FNBP1: variants seen among roughly 807,000 people sequenced by gnomAD.
FNBP1 encodes the protein formin-binding protein 1.
A neutral mutation model predicts 90.6 loss-of-function variants in FNBP1; 26 were observed. That is an observed-to-expected ratio of 0.29 (90% CI 0.21 to 0.40). The LOEUF (loss-of-function observed/expected upper bound fraction) is 0.40, where lower values mean the gene tolerates loss of function less well. FNBP1 is among the 10% of genes least tolerant of loss of function. FNBP1 has a pLI of 1.00. For synonymous variants in FNBP1, 260 were observed against 265.2 expected (o/e 0.98, Z 0.19); for missense variants, 635 against 768.0 (o/e 0.83, Z 2.05).
At chr9:129,914,430 A>G (rs1051621986) in intron 11 of FNBP1, among the ~76,000 whole-genome samples, 1 of 152,016 alleles carries the variant, frequency 6.6e-6, no homozygotes, top group Non-Finnish European at 1.5e-5. Context: ...AAACAGAAAG[A>G]CTGCCTAAAA....
intron 6 of FNBP1, among the ~76,000 whole-genome samples, chr9:129,938,462 T>C (rs1222335242): frequency 7.9e-5 from 12 of 151,736 alleles, no homozygotes; most frequent in Admixed American, 7.9e-4. Flanking sequence ...TAAGGGCAGC[T>C]AGAATACAAA....
rs936793492 is a variant in FNBP1, at chr9:130,034,330, C to A, written c.24+8622G>T. On this transcript the variant is annotated intron_variant, in intron 1 of 16. Transcript: ENST00000446176. Reference sequence around the variant, plus strand: ...TCCATCTCAAAAAAAAAAAAAAAAACAAGTTGGTCAGGCGTGGTAGTGTAC... The same window carrying A: ...TCCATCTCAAAAAAAAAAAAAAAAAAAAGTTGGTCAGGCGTGGTAGTGTAC... 9.3e-5 allele frequency among the ~76,000 whole-genome samples: 11 copies of A among 117,856 alleles called. No individual in the cohort carries two copies. In the East Asian group the frequency reaches 1.2e-3, roughly 12 times the overall value. The allele number at this position is 117,856 out of a possible 152,430, so 77.3% of individuals were successfully genotyped here.
chr9:129,893,293 T>C (rs537287077), intron 16 of FNBP1, among the ~76,000 whole-genome samples: 2 of 152,040 alleles, frequency 1.3e-5, no homozygotes, highest in South Asian at 4.2e-4. Context: ...ATTGATACTA[T>C]GCCAGCAAAA....
intron 2 of FNBP1, among the ~76,000 whole-genome samples, chr9:129,985,347 C>T (rs2051992239): frequency 6.6e-6 from 1 of 152,000 alleles, no homozygotes; most frequent in African/African-American, 2.4e-5. Context: ...ACTCAGCAAC[C>T]TTATAAGGTG....
chr9:130,035,406 T>C (rs748545846), intron 1 of FNBP1, among the ~76,000 whole-genome samples: 2 of 151,884 alleles, frequency 1.3e-5, no homozygotes, highest in Non-Finnish European at 2.9e-5. Flanking sequence ...GTGGGGACTC[T>C]GTCAGGTCTG....
intron 2 of FNBP1, among the ~76,000 whole-genome samples, chr9:129,993,655 T>C (rs4837444): frequency 1 from 144,875 of 145,184 alleles, 72,285 homozygotes; most frequent in Middle Eastern, 1. Flanking sequence ...GAAGGAGTCT[T>C]ACTCTGTCAC....
Position 129,979,454 on chromosome 9 carries a change from T to G in FNBP1, c.141-80A>C, listed in dbSNP as rs1469293349. 3.9e-6 allele frequency: 4 copies of G among 1,023,778 alleles called. No individual in the cohort carries two copies. The East Asian group carries it at 9.6e-5, about 25-fold the overall frequency. 63.4% of individuals were successfully genotyped at this position (1,023,778 alleles called of 1,614,324 possible). On this transcript the variant is annotated intron_variant, in intron 2 of 16. Transcript: ENST00000446176. ...AGGAATGAAAGATAACATTAGTGCT[T>G]TTGTTACAAGTTTAAAACAAACAAA...
At chr9:129,970,961 A>G (rs1307149041) in intron 4 of FNBP1, among the ~76,000 whole-genome samples, 1 of 152,080 alleles carries the variant, frequency 6.6e-6, no homozygotes, top group African/African-American at 2.4e-5. Context: ...ATCTTGGCTC[A>G]CTGCAACCTC....
chr9:130,024,130 G>T (rs528080181), intron 1 of FNBP1, among the ~76,000 whole-genome samples: 81 of 152,178 alleles, frequency 5.3e-4, no homozygotes, highest in Non-Finnish European at 9.6e-4. Flanking sequence ...ACTTGGCCAG[G>T]CTCAGTGGCT....
intron 7 of FNBP1, among the ~76,000 whole-genome samples, chr9:129,929,359 G>A (rs1169657683): frequency 2.9e-5 from 4 of 139,868 alleles, no homozygotes; most frequent in African/African-American, 8.1e-5. Flanking sequence ...GCAATGAGCC[G>A]AGACTGTGCC....
chr9:129,916,256 A>AC, intron 10 of FNBP1: 1 of 457,114 alleles, frequency 2.2e-6, no homozygotes, highest in South Asian at 2.7e-5. Context: ...ACAGGCCTGT[A>AC]CTGGCCACCT....
intron 11 of FNBP1, chr9:129,910,186 G>C (rs932134336): frequency 6.6e-6 from 3 of 456,160 alleles, no homozygotes; most frequent in Non-Finnish European, 1.3e-5. Flanking sequence ...TGTTCATAAA[G>C]AGAGAGAAAT....
At chr9:129,960,104 C>T (rs1202747532) in intron 4 of FNBP1, among the ~76,000 whole-genome samples, 1 of 151,878 alleles carries the variant, frequency 6.6e-6, no homozygotes, top group African/African-American at 2.4e-5. Context: ...TAGGTTTGGG[C>T]TATTATGAAA....
rs534056881 is a variant in FNBP1, at chr9:130,042,966, C to T, written c.10G>A (p.Gly4Ser). Residue 4 changes from glycine to serine, a missense_variant, in exon 1 of 17, where the codon GGC becomes AGC. Physicochemically the swap from Gly to Ser is moderately conservative, Grantham distance 56 (BLOSUM62 0). Transcript: ENST00000446176. This position sits in a 1 kb window ranked among gnomAD's most constrained non-coding sequence, Gnocchi z 5.5. MSW[G>S]TELWDQFDNL... ...CCCTCACTCACCCAGAGCTCGGTGC[C>T]CCAGCTCATGGTGCAGGGGACGCGA... 9.0e-6 allele frequency: 11 copies of T among 1,227,190 alleles called. No individual in the cohort carries two copies. In the East Asian group the frequency reaches 1.9e-4, roughly 21 times the overall value. 76.0% of individuals were successfully genotyped at this position (1,227,190 alleles called of 1,614,324 possible).
chr9:129,992,671 A>C (rs1237324033), intron 2 of FNBP1, among the ~76,000 whole-genome samples: 1 of 144,600 alleles, frequency 6.9e-6, no homozygotes, highest in Non-Finnish European at 1.5e-5. Context: ...CTCCTGCCTC[A>C]GCCTCCTGAA....
chr9:129,925,173 C>A lies in FNBP1; in HGVS notation c.790-16G>T. 1 of 1,597,428 alleles carries A rather than the reference C, an allele frequency of 6.3e-7. No homozygotes were observed. The highest frequency in any genetic ancestry group is 8.6e-7 in the Non-Finnish European group (1 of 1,166,400). ...GCTGTGAATCCTGAAATTATACCCACAAGCATATAAATACATTCAGAAGCA... is the reference window on the plus strand; with the variant it reads ...GCTGTGAATCCTGAAATTATACCCAAAAGCATATAAATACATTCAGAAGCA... On this transcript the variant is annotated splice_polypyrimidine_tract_variant and intron_variant, in intron 8 of 16. Transcript: ENST00000446176.
At chr9:129,922,391 T>C (rs1319890774) in intron 10 of FNBP1, among the ~76,000 whole-genome samples, 1 of 152,178 alleles carries the variant, frequency 6.6e-6, no homozygotes, top group Non-Finnish European at 1.5e-5. Context: ...TATAGTAGTT[T>C]CTCCCTGAAT....
chr9:129,986,027 T>C (rs534467020), intron 2 of FNBP1, among the ~76,000 whole-genome samples: 1 of 147,030 alleles, frequency 6.8e-6, no homozygotes, highest in Admixed American at 6.8e-5. Context: ...TCCCAGCTAC[T>C]TGGGAGGCTG....
At chr9:129,941,200 C>T (rs1217153428) in intron 6 of FNBP1, among the ~76,000 whole-genome samples, 2 of 151,570 alleles carry the variant, frequency 1.3e-5, no homozygotes, top group East Asian at 2.0e-4. Flanking sequence ...ACCAGTCTGG[C>T]AAACATGGTG....
Sources: gnomAD v4.1 joint callset for allele counts (sites outside exome capture counted in the v4.1 genomes callset) on GRCh38, gnomAD v4.1.1 for gene constraint, Gnocchi (gnomAD v3.1) non-coding constraint, MANE v1.5 for transcripts, NCBI Gene and HGNC (gene_info 2026-07-23, HGNC 2026-07-21) for gene names.